ZNF823: variants seen among roughly 807,000 people sequenced by gnomAD.
The protein encoded by ZNF823 is zinc finger protein 823.
A neutral mutation model predicts 11.4 loss-of-function variants in ZNF823; 5 were observed. The ratio of observed to expected loss-of-function variants is 0.44; its 90% confidence interval spans 0.23 to 0.92. ZNF823 has a LOEUF of 0.92. Among genes scored for constraint, ZNF823 ranks in the 40% least tolerant of loss-of-function variants. The probability of loss-of-function intolerance (pLI) is 0.24; values close to 1 mark genes in which losing one functional copy is unlikely to be tolerated. For synonymous variants in ZNF823, 234 were observed against 250.5 expected, an observed-to-expected ratio of 0.93 and a Z score of 0.62; for missense variants, 582 against 738.5, an observed-to-expected ratio of 0.79 and a Z score of 2.46.
intron 1 of ZNF823, among the ~76,000 whole-genome samples, chr19:11,731,284 C>A (rs1974889637): frequency 6.6e-6 from 1 of 152,012 alleles, no homozygotes; most frequent in Non-Finnish European, 1.5e-5. Context: ...TGCACTCCAG[C>A]CTGGGCAATA....
intron 1 of ZNF823, 147 bp downstream of exon 1, chr19:11,738,670 G>T: frequency 9.0e-7 from 1 of 1,111,884 alleles, no homozygotes; most frequent in Non-Finnish European, 1.2e-6. Flanking sequence ...GCGGCCCAGG[G>T]GACCAAGGGC....
At chr19:11,733,365 C>CAAAAAA (rs34650100) in intron 1 of ZNF823, among the ~76,000 whole-genome samples, 7 of 95,322 alleles carry the variant, frequency 7.3e-5, no homozygotes, top group Admixed American at 1.2e-4. Context: ...GACTCCATCT[C>CAAAAAA]AAAAAAAAAA....
At chr19:11,733,203 A>C (rs1974932722) in intron 1 of ZNF823, among the ~76,000 whole-genome samples, 1 of 151,720 alleles carries the variant, frequency 6.6e-6, no homozygotes, top group Non-Finnish European at 1.5e-5. Context: ...CCCGTCTCTA[A>C]TAAAAATACA....
chr19:11,726,881 T>C (rs184607100), intron 1 of ZNF823, among the ~76,000 whole-genome samples: 1 of 152,314 alleles, frequency 6.6e-6, no homozygotes, highest in East Asian at 1.9e-4. Context: ...TGGTTGCAAC[T>C]TGTTACATGG....
In ZNF823 at chr19:11,723,068, T is replaced by A; in HGVS notation, c.466A>T (p.Arg156Trp). The stretch of plus-strand genomic sequence containing the variant: ...AAGGGTTTCTTTCCGGTGGGGGGCC[T>A]TTCATGTGTCTGGAAGGAGTGCTGA... The part of the protein sequence containing the change: ...SHQHSFQTHE[R>W]PPTGKKPFDC... Residue 156 changes from arginine to tryptophan, a missense_variant, in exon 4 of 4, where the codon AGG (arginine) becomes TGG (tryptophan). By Grantham distance (101) the Arg-to-Trp change is moderately radical (BLOSUM62 -3). This residue lies in a region of ZNF823 where 429 missense variants were observed against 553.7 expected (regional missense o/e 0.77). Transcript: ENST00000341191. 1 of 1,614,222 alleles carries A rather than the reference T, an allele frequency of 6.2e-7. No individual in the cohort carries two copies. Among genetic ancestry groups the A allele is most frequent in the Non-Finnish European group, 8.5e-7 (1 of 1,180,036 alleles).
At chr19:11,738,740 G>T in intron 1 of ZNF823, 77 bp downstream of exon 1, 1 of 1,504,930 alleles carries the variant, frequency 6.6e-7, no homozygotes, top group East Asian at 2.5e-5. Flanking sequence ...GCGAGGCCCG[G>T]GTCCCCTCAC....
At chr19:11,730,755 T>C (rs1974878087) in intron 1 of ZNF823, 1 of 152,188 alleles carries the variant, frequency 6.6e-6, no homozygotes, top group Non-Finnish European at 1.5e-5. Context: ...AGTTAATCCA[T>C]ACATGCCAAC....
chr19:11,722,093 T>C lies in ZNF823; in HGVS notation c.1441A>G (p.Ser481Gly). ...TGTTGAGAAAGGTATTTGAAACAACTGAATGCTTTCCCACATTCCTTACAC... is the reference window on the plus strand; with the variant it reads ...TGTTGAGAAAGGTATTTGAAACAACCGAATGCTTTCCCACATTCCTTACAC... ...YECKECGKAF[S>G]CFKYLSQHKR... The change falls in exon 4 of 4, where the codon AGT becomes GGT. Residue 481 changes from serine (S) to glycine (G), a missense_variant. Coordinates refer to ENST00000341191, the MANE Select transcript of ZNF823 (RefSeq NM_001080493.4). The surrounding 1 kb of genome is among the most constrained non-coding windows in gnomAD (Gnocchi z 5.2). 1 of 1,612,860 alleles carries C rather than the reference T, an allele frequency of 6.2e-7. No individual in the cohort carries two copies. The highest frequency in any genetic ancestry group is 8.5e-7 in the Non-Finnish European group (1 of 1,179,712).
intron 1 of ZNF823, among the ~76,000 whole-genome samples, chr19:11,731,780 C>T (rs903951702): frequency 2.0e-5 from 3 of 152,122 alleles, no homozygotes; most frequent in Non-Finnish European, 2.9e-5. Flanking sequence ...GAGGCTGAGG[C>T]AGGTGGATCA....
At chr19:11,724,370 T>C in intron 2 of ZNF823, 116 bp from the exon 3 acceptor site, 1 of 871,876 alleles carries the variant, frequency 1.1e-6, no homozygotes, top group Non-Finnish European at 1.7e-6. Flanking sequence ...CATGTGACTC[T>C]TCAACAACAC....
At chr19:11,737,033 C>T (rs1975003489) in intron 1 of ZNF823, among the ~76,000 whole-genome samples, 1 of 152,152 alleles carries the variant, frequency 6.6e-6, no homozygotes, top group Admixed American at 6.6e-5. Flanking sequence ...TCTGGCTGTC[C>T]TCTGGGAGGA....
Position 11,724,238 on chromosome 19 carries a change from G to A in ZNF823, c.147C>T (p.Asp49=), listed in dbSNP as rs1974748508. 3 of 1,605,980 alleles carry A rather than the reference G, an allele frequency of 1.9e-6. No homozygotes were observed. Among genetic ancestry groups the A allele is most frequent in the South Asian group, 1.1e-5 (1 of 89,350 alleles). Residue 49 remains aspartate, a synonymous_variant, in exon 3 of 4, where the codon GAC becomes GAT. Transcript: ENST00000341191. ...NLDCIEMKWE[D]QNIGDQCQNA... is the part of the protein sequence containing the mutation. The stretch of plus-strand genomic sequence containing the variant: ...TTTGGCACTGATCTCCAATGTTCTG[G>A]TCCTCCCATTTCATTTCTAAAAGGT...
Position 11,721,827 on chromosome 19 carries a change from G to C in ZNF823, c.1707C>G (p.Phe569Leu). Residue 569 changes from phenylalanine to leucine, a missense_variant, in exon 4 of 4, where the codon TTC becomes TTG. Phe to Leu is a conservative substitution (Grantham distance 22, BLOSUM62 0). Coordinates refer to ENST00000341191, the MANE Select transcript of ZNF823 (RefSeq NM_001080493.4). ...TGTGAGTTTTTTCATGTCCTCGAAG[G>C]AAACGGGAACGAGTGAAGGCTTTAC... Reference protein sequence around the residue: ...QCGKAFTRSRFLRGHEKTHTG... With the variant: ...QCGKAFTRSRLLRGHEKTHTG... 2 of 1,613,616 alleles carry C rather than the reference G, an allele frequency of 1.2e-6. No individual in the cohort carries two copies. The highest frequency in any genetic ancestry group is 8.5e-7 in the Non-Finnish European group (1 of 1,179,886).
intron 1 of ZNF823, among the ~76,000 whole-genome samples, chr19:11,727,285 C>T (rs1290471039): frequency 6.6e-6 from 1 of 151,716 alleles, no homozygotes; most frequent in Non-Finnish European, 1.5e-5. Context: ...CCTAGGGGGG[C>T]GGATCAAAAG....
intron 1 of ZNF823, among the ~76,000 whole-genome samples, chr19:11,729,974 GCT>G (rs1974863654): frequency 6.6e-6 from 1 of 151,532 alleles, no homozygotes; most frequent in Non-Finnish European, 1.5e-5. Context: ...TGTTGCCCAG[GCT>G]GGAGTGCAAT....
intron 3 of ZNF823, among the ~76,000 whole-genome samples, 152 bp downstream of exon 3, chr19:11,724,042 T>C (rs1160797930): frequency 1.3e-5 from 2 of 152,124 alleles, no homozygotes; most frequent in African/African-American, 4.8e-5. Flanking sequence ...TGGGATTACA[T>C]GTGCGAGTCA....
chr19:11,723,447 C>T (rs1974732914), intron 3 of ZNF823, 105 bp from the exon 4 acceptor site: 2 of 995,846 alleles, frequency 2.0e-6, no homozygotes, highest in Admixed American at 2.8e-5. Flanking sequence ...AAAGTACAGG[C>T]TTCATCCCCT....
Position 11,722,715 on chromosome 19 carries a change from C to T in ZNF823, c.819G>A (p.Glu273=). The T allele has an allele frequency of 6.2e-7, 1 of 1,614,168 alleles. No homozygotes were observed. The highest frequency in any genetic ancestry group is 8.5e-7 in the Non-Finnish European group (1 of 1,180,030). Residue 273 remains glutamate (E), a synonymous_variant, in exon 4 of 4, where the codon GAG becomes GAA. Coordinates refer to ENST00000341191, the MANE Select transcript of ZNF823 (RefSeq NM_001080493.4). The surrounding 1 kb of genome is among the most constrained non-coding windows in gnomAD (Gnocchi z 5.2). Reference sequence around the variant, plus strand: ...CACATTGTGTACATTTATAGGGTTTCTCTCCGGTGTGAGTTCTCTCATGTC... The same window carrying T: ...CACATTGTGTACATTTATAGGGTTTTTCTCCGGTGTGAGTTCTCTCATGTC... ...YLRHERTHTG[E]KPYKCTQCGK... is the part of the protein sequence containing the mutation.
In ZNF823 at chr19:11,722,720, C is replaced by T. The variant is rs370448141; in HGVS notation, c.814G>A (p.Gly272Arg). The T allele has an allele frequency of 2.2e-5, 36 of 1,614,060 alleles. No homozygotes were observed. Among genetic ancestry groups the T allele is most frequent in the East Asian group, 4.5e-5 (2 of 44,898 alleles). The part of the protein sequence containing the change: ...TYLRHERTHT[G>R]EKPYKCTQCG... ...TGTGTACATTTATAGGGTTTCTCTCCGGTGTGAGTTCTCTCATGTCTTAGA... is the reference window on the plus strand; with the variant it reads ...TGTGTACATTTATAGGGTTTCTCTCTGGTGTGAGTTCTCTCATGTCTTAGA... The change falls in exon 4 of 4, where the codon GGA (glycine) becomes AGA (arginine). Residue 272 changes from glycine (G) to arginine (R), a missense_variant. Physicochemically the swap from Gly to Arg is moderately radical, Grantham distance 125. This residue lies in a region of ZNF823 where 429 missense variants were observed against 553.7 expected (regional missense o/e 0.77). Coordinates refer to ENST00000341191, the MANE Select transcript of ZNF823 (RefSeq NM_001080493.4). The surrounding 1 kb of genome is among the most constrained non-coding windows in gnomAD (Gnocchi z 5.2).
Sources: gnomAD v4.1 joint callset for allele counts (sites outside exome capture counted in the v4.1 genomes callset) on GRCh38, gnomAD v4.1.1 for gene constraint, gnomAD v4.1.1 regional missense constraint, Gnocchi (gnomAD v3.1) non-coding constraint, MANE v1.5 for transcripts, NCBI Gene and HGNC (gene_info 2026-07-23, HGNC 2026-07-21) for gene names.